The following NME7 variants were observed in gnomAD, a reference collection of about 807,000 sequenced individuals.
NME7 encodes NME/NM23 family member 7.
A neutral mutation model predicts 49.1 loss-of-function variants in NME7; 41 were observed. The ratio of observed to expected loss-of-function variants is 0.83; its 90% CI spans 0.65 to 1.08. The LOEUF (loss-of-function observed/expected upper bound fraction) is 1.08, where lower values mean the gene tolerates loss of function less well. NME7 is among the 50% of genes least tolerant of loss of function. NME7 has a pLI of 0.00. For missense variants in NME7, 423 were observed against 463.4 expected (o/e 0.91, Z 0.80); for synonymous variants, 139 against 150.6 (o/e 0.92, Z 0.56).
rs1178107526 is a variant in NME7, at chr1:169,342,635, AG to A, written c.4-18136del. Among the ~76,000 whole-genome samples, 53 of 50,568 alleles carry A rather than the reference AG, an allele frequency of 1.0e-3. 7 individuals carry two copies. Among genetic ancestry groups the A allele is most frequent in the African/African-American group, 4.2e-3 (49 of 11,622 alleles). The allele number at this position is 50,568 out of a possible 152,430, so 33.2% of individuals were successfully genotyped here. A position where few individuals can be genotyped will look rare whatever the true frequency, so the allele number is the denominator to read the frequency against. ...TATATATATACAAGTACATATATAT[AG>A]TATATATATATACAAGTACATATAT... On this transcript the variant is annotated intron_variant, in intron 1 of 11. Coordinates refer to ENST00000367811, the MANE Select transcript of NME7 (RefSeq NM_013330.5).
Position 169,355,085 on chromosome 1 carries a change from A to G in NME7, c.3+12623T>C, listed in dbSNP as rs183781460. Among the ~76,000 whole-genome samples the G allele has an allele frequency of 0.025, 1,456 of 59,334 alleles. 266 individuals are homozygous for G. In the East Asian group the frequency reaches 0.4, roughly 16 times the overall value. The allele number at this position is 59,334 out of a possible 152,430, so 38.9% of individuals were successfully genotyped here. ...CTATATATTATAGATATAATATATA[A>G]TATACTATATATTATAGATATAATA... On this transcript the variant is annotated intron_variant, in intron 1 of 11. Coordinates refer to ENST00000367811, the MANE Select transcript of NME7 (RefSeq NM_013330.5).
intron 1 of NME7, among the ~76,000 whole-genome samples, chr1:169,347,477 G>C (rs182628712): frequency 3.0e-4 from 45 of 152,266 alleles, no homozygotes; most frequent in Admixed American, 2.6e-3. Flanking sequence ...GGTAGAGTAT[G>C]AGGAGAAGAT....
At chr1:169,225,449 CA>C (rs1647291913) in intron 10 of NME7, among the ~76,000 whole-genome samples, 1 of 152,028 alleles carries the variant, frequency 6.6e-6, no homozygotes, top group Middle Eastern at 3.2e-3. Context: ...ATGCAGAGGA[CA>C]GAGGAAAGGC....
At chr1:169,170,066 T>C (rs960637349) in intron 10 of NME7, among the ~76,000 whole-genome samples, 32 of 152,046 alleles carry the variant, frequency 2.1e-4, no homozygotes, top group Admixed American at 1.1e-3. Flanking sequence ...AAAGAGGTAA[T>C]TGACAATGAA....
At chr1:169,216,034 A>G (rs760069590) in intron 10 of NME7, among the ~76,000 whole-genome samples, 12 of 152,268 alleles carry the variant, frequency 7.9e-5, no homozygotes, top group Admixed American at 1.3e-4. Context: ...TCTAAAGTAG[A>G]GCATACATAC....
At chr1:169,224,987 A>G (rs929751113) in intron 10 of NME7, among the ~76,000 whole-genome samples, 1 of 152,218 alleles carries the variant, frequency 6.6e-6, no homozygotes, top group African/African-American at 2.4e-5. Context: ...GTGCTTGGGC[A>G]AAGTTTCAAT....
intron 7 of NME7, among the ~76,000 whole-genome samples, chr1:169,279,429 G>C (rs1028050867): frequency 1.3e-5 from 2 of 152,218 alleles, no homozygotes; most frequent in Non-Finnish European, 2.9e-5. Context: ...CCAACTTGCA[G>C]TTTGATCTCA....
At chr1:169,171,819 T>C (rs201383984) in intron 10 of NME7, among the ~76,000 whole-genome samples, 4 of 147,538 alleles carry the variant, frequency 2.7e-5, no homozygotes, top group South Asian at 4.3e-4. Flanking sequence ...TTTTTTTTTT[T>C]CTTTTTTTTT....
intron 11 of NME7, among the ~76,000 whole-genome samples, chr1:169,147,797 G>A (rs1325318047): frequency 6.6e-6 from 1 of 152,176 alleles, no homozygotes. Flanking sequence ...TTAAGAAAGT[G>A]TGACTTTGCT....
intron 10 of NME7, among the ~76,000 whole-genome samples, chr1:169,189,137 TA>T (rs1454563463): frequency 6.6e-6 from 1 of 152,208 alleles, no homozygotes; most frequent in East Asian, 1.9e-4. Context: ...ATAAATTTTA[TA>T]AATGGCCTTA....
intron 6 of NME7, among the ~76,000 whole-genome samples, chr1:169,297,120 G>C (rs1430629181): frequency 6.6e-6 from 1 of 151,598 alleles, no homozygotes; most frequent in African/African-American, 2.4e-5. Context: ...ATTACAGGTG[G>C]GCGCCACCAC....
chr1:169,336,333 G>A (rs1312475704), intron 1 of NME7, among the ~76,000 whole-genome samples: 1 of 152,036 alleles, frequency 6.6e-6, no homozygotes, highest in Non-Finnish European at 1.5e-5. Flanking sequence ...AGTGTGGAAG[G>A]GGACCTTCCC....
intron 10 of NME7, among the ~76,000 whole-genome samples, chr1:169,197,875 T>C (rs1660432766): frequency 6.6e-6 from 1 of 152,048 alleles, no homozygotes; most frequent in African/African-American, 2.4e-5. Context: ...AGACTTAATC[T>C]AAGTTAAAAA....
At chr1:169,164,300 T>C (rs1421874591) in intron 11 of NME7, among the ~76,000 whole-genome samples, 1 of 152,082 alleles carries the variant, frequency 6.6e-6, no homozygotes, top group Non-Finnish European at 1.5e-5. Flanking sequence ...TTCCTTCCTT[T>C]CTTTCAAAAA....
In NME7 at chr1:169,324,493, C is replaced by G. The variant is rs971179929; in HGVS notation, c.11G>C (p.Ser4Thr). 2.5e-6 allele frequency: 4 copies of G among 1,597,098 alleles called. No individual in the cohort carries two copies. In the African/African-American group the frequency reaches 4.0e-5, roughly 16 times the overall value. The change falls in exon 2 of 12, where the codon AGT becomes ACT. Residue 4 changes from serine to threonine, a missense_variant. Physicochemically the swap from Ser to Thr is moderately conservative, Grantham distance 58. Coordinates refer to ENST00000367811, the MANE Select transcript of NME7 (RefSeq NM_013330.5). MNH[S>T]ERFVFIAEWY... ...CTCTGCAATGAAAACGAATCTTTCACTATGATTCTGCAAAGAAAGACAGAA... is the reference window on the plus strand; with the variant it reads ...CTCTGCAATGAAAACGAATCTTTCAGTATGATTCTGCAAAGAAAGACAGAA...
chr1:169,190,763 G>GCAT (rs1660196269), intron 10 of NME7: 1 of 350,604 alleles, frequency 2.9e-6, no homozygotes. Context: ...AATAAATATG[G>GCAT]CATTTATCAC....
intron 7 of NME7, among the ~76,000 whole-genome samples, chr1:169,283,560 G>T (rs1266551616): frequency 6.6e-6 from 1 of 152,070 alleles, no homozygotes; most frequent in African/African-American, 2.4e-5. Flanking sequence ...TTACAATTTG[G>T]TATGTTTTTG....
At chr1:169,250,102 A>G (rs144663277) in intron 7 of NME7, among the ~76,000 whole-genome samples, 102 of 151,800 alleles carry the variant, frequency 6.7e-4, no homozygotes, top group Middle Eastern at 6.8e-3. Context: ...TGTGGCCCCA[A>G]GCTATTTTTT....
Position 169,258,167 on chromosome 1 carries a change from G to A in NME7, c.755-20480C>T, listed in dbSNP as rs189693424. On this transcript the variant is annotated intron_variant, in intron 7 of 11. Transcript: ENST00000367811. ...AGCCTGGGAACCATAGTGAGACCCT[G>A]TCTCTACAAAAAATAAGAAATTAGC... 2.9e-3 allele frequency among the ~76,000 whole-genome samples: 367 copies of A among 128,040 alleles called. 33 individuals carry two copies. The highest frequency in any genetic ancestry group is 9.2e-3 in the African/African-American group (350 of 38,028). 84.0% of individuals were successfully genotyped at this position (128,040 alleles called of 152,430 possible).
Sources: gnomAD v4.1 joint callset for allele counts (sites outside exome capture counted in the v4.1 genomes callset) on GRCh38, gnomAD v4.1.1 for gene constraint, MANE v1.5 for transcripts, NCBI Gene and HGNC (gene_info 2026-07-23, HGNC 2026-07-21) for gene names.